SLC4A4: variants seen among roughly 807,000 people sequenced by gnomAD.
The protein encoded by SLC4A4 is solute carrier family 4 member 4, also known as electrogenic sodium bicarbonate cotransporter 1.
SLC4A4 carries 27 observed loss-of-function variants against 111.5 expected under a neutral mutation model. The observed-to-expected ratio is 0.24, with a 90% confidence interval of 0.18 to 0.33. The LOEUF is 0.33. Among genes scored for constraint, SLC4A4 ranks in the 10% least tolerant of loss-of-function variants. SLC4A4 has a pLI of 1.00. For synonymous variants in SLC4A4, 443 were observed against 463.4 expected (o/e 0.96, Z 0.57); for missense variants, 909 against 1,315.5 (o/e 0.69, Z 4.78).
chr4:71,164,163 C>T (rs1303525608), intron 2 of SLC4A4, among the ~76,000 whole-genome samples: 3 of 152,038 alleles, frequency 2.0e-5, no homozygotes, highest in Non-Finnish European at 4.4e-5. Flanking sequence ...GGCAGATTAC[C>T]TGAGGTCAGG....
intron 16 of SLC4A4, among the ~76,000 whole-genome samples, chr4:71,516,127 G>T (rs1398206867): frequency 2.0e-5 from 2 of 98,108 alleles, no homozygotes; most frequent in African/African-American, 8.1e-5. Context: ...ATGGAGTCTC[G>T]CTCTGTCACC....
chr4:71,167,645 A>C (rs574867124), intron 2 of SLC4A4, among the ~76,000 whole-genome samples: 2 of 152,338 alleles, frequency 1.3e-5, no homozygotes, highest in African/African-American at 4.8e-5. Context: ...ATTTATTAGA[A>C]TTGGATGTCT....
chr4:71,161,317 C>T (rs765640659), intron 2 of SLC4A4, among the ~76,000 whole-genome samples: 5 of 152,176 alleles, frequency 3.3e-5, no homozygotes, highest in Admixed American at 6.5e-5. Flanking sequence ...TAACTCTACA[C>T]GAACACTTAT....
At chr4:71,145,964 C>T (rs1418357740) in intron 2 of SLC4A4, among the ~76,000 whole-genome samples, 2 of 152,058 alleles carry the variant, frequency 1.3e-5, no homozygotes, top group Non-Finnish European at 2.9e-5. Flanking sequence ...CTGCTCTGAT[C>T]TTAGTTATTT....
chr4:71,300,388 C>T lies in SLC4A4; in HGVS notation c.254-38982C>T, dbSNP rs191508850. ...GCATTGACCACCAGTGAGCAGGACA[C>T]AACGAAGAGGCATGGGATGCTGCTG... On this transcript the variant is annotated intron_variant, in intron 3 of 25. Transcript: ENST00000264485. The T allele has an allele frequency of 1.7e-5, 4 of 232,270 alleles. No individual in the cohort carries two copies. In the East Asian group the frequency reaches 4.2e-4, roughly 24 times the overall value. 14.4% of individuals were successfully genotyped at this position (232,270 alleles called of 1,614,324 possible).
chr4:71,398,455 T>C (rs757481804), intron 7 of SLC4A4, among the ~76,000 whole-genome samples: 3 of 152,206 alleles, frequency 2.0e-5, no homozygotes, highest in Non-Finnish European at 2.9e-5. Flanking sequence ...ATCTGTTTGC[T>C]TTCTTTGGAA....
At position 71,567,976 on chromosome 4, in the gene SLC4A4, T is replaced by C; in HGVS notation, c.*225T>C. 1.1e-6 allele frequency: 1 copy of C among 875,586 alleles called. No homozygotes were observed. The highest frequency in any genetic ancestry group is 2.7e-5 in the East Asian group (1 of 36,746). 54.2% of individuals were successfully genotyped at this position (875,586 alleles called of 1,614,324 possible). Reference sequence around the variant, plus strand: ...CTGTTTGTTTATTTTTTAACTTTTATTTCGTCTCAGTTTTTGGTCACAGGC... The same window carrying C: ...CTGTTTGTTTATTTTTTAACTTTTACTTCGTCTCAGTTTTTGGTCACAGGC... On this transcript the variant is annotated 3_prime_UTR_variant, in exon 26 of 26. Coordinates refer to ENST00000264485, the MANE Select transcript of SLC4A4 (RefSeq NM_001098484.3).
chr4:71,403,330 A>AC (rs1720539913), intron 7 of SLC4A4, among the ~76,000 whole-genome samples: 2 of 152,238 alleles, frequency 1.3e-5, no homozygotes, highest in Non-Finnish European at 2.9e-5. Context: ...ATTCTGTGCT[A>AC]GAAAATGTTC....
chr4:71,458,743 A>T (rs1726528066), intron 12 of SLC4A4, among the ~76,000 whole-genome samples: 1 of 152,110 alleles, frequency 6.6e-6, no homozygotes, highest in Non-Finnish European at 1.5e-5. Flanking sequence ...AGATAGACAA[A>T]TCTTTACAAA....
intron 1 of SLC4A4, among the ~76,000 whole-genome samples, chr4:71,233,578 G>A (rs1276672398): frequency 6.6e-6 from 1 of 152,076 alleles, no homozygotes; most frequent in Non-Finnish European, 1.5e-5. Flanking sequence ...TCCAGTAATA[G>A]CTTCAGGTAC....
At position 71,225,350 on chromosome 4, in the gene SLC4A4, TA is replaced by T. The variant is rs74266859; in HGVS notation, c.-1-11212del. On this transcript the variant is annotated intron_variant, in intron 1 of 25. Coordinates refer to ENST00000264485, the MANE Select transcript of SLC4A4 (RefSeq NM_001098484.3). The stretch of plus-strand genomic sequence containing the variant: ...CTGGGTGACAGAACAAGACTCCGTT[TA>T]AAAAAAAAAAAAAGATAATGAAAGT... Among the ~76,000 whole-genome samples the T allele has an allele frequency of 5.5e-3, 796 of 143,788 alleles. 2 individuals are homozygous for T. Among genetic ancestry groups the T allele is most frequent in the African/African-American group, 6.9e-3 (274 of 39,536 alleles). 94.3% of individuals were successfully genotyped at this position (143,788 alleles called of 152,430 possible).
At chr4:71,210,407 T>TA (rs1275013998) in intron 1 of SLC4A4, among the ~76,000 whole-genome samples, 1 of 152,232 alleles carries the variant, frequency 6.6e-6, no homozygotes, top group East Asian at 1.9e-4. Context: ...AGAACCAAAG[T>TA]AACAGTTGCC....
At chr4:71,116,517 T>A (rs1743271167) in intron 2 of SLC4A4, among the ~76,000 whole-genome samples, 1 of 152,232 alleles carries the variant, frequency 6.6e-6, no homozygotes, top group South Asian at 2.1e-4. Flanking sequence ...TAAGCCACAC[T>A]AAATATTGCT....
chr4:71,342,000 G>A (rs979947709), intron 4 of SLC4A4, among the ~76,000 whole-genome samples: 2 of 152,044 alleles, frequency 1.3e-5, no homozygotes, highest in African/African-American at 4.8e-5. Context: ...CAATTTACTG[G>A]GTAATTCTCT....
rs764296409 is a variant in SLC4A4, at chr4:71,563,888, C to T, written c.3195C>T (p.Asp1065=). Residue 1065 remains aspartate (D), a splice_region_variant and synonymous_variant, in exon 24 of 26, where the codon GAC becomes GAT. Transcript: ENST00000264485. ...TCCTAAGCGATAGCAAACCTTCTGA[C>T]AGTGAGTAGAACTAACCTCTTGCAT... ...QPFLSDSKPS[D]RERSPTFLER... The T allele has an allele frequency of 2.2e-5, 35 of 1,592,252 alleles. No homozygotes were observed. The highest frequency in any genetic ancestry group is 3.3e-5 in the Admixed American group (2 of 59,746).
In SLC4A4 at chr4:71,113,823, A is replaced by T. The variant is rs72858476; in HGVS notation, c.-2+21031A>T. ...AATTAAATCTGTTAAACATTTCAAT[A>T]CATATTAAAAATGCATGCTCTATTA... On this transcript the variant is annotated intron_variant, in intron 2 of 26. Coordinates refer to the SLC4A4 transcript ENST00000649996. Among the ~76,000 whole-genome samples, 956 of 152,340 alleles carry T rather than the reference A, an allele frequency of 6.3e-3. 12 individuals carry two copies. The highest frequency in any genetic ancestry group is 0.022 in the African/African-American group (918 of 41,580).
At chr4:71,370,548 G>T (rs1731770639) in intron 6 of SLC4A4, among the ~76,000 whole-genome samples, 1 of 152,162 alleles carries the variant, frequency 6.6e-6, no homozygotes, top group South Asian at 2.1e-4. Context: ...CTGACTTTGG[G>T]CAAATTACTC....
chr4:71,302,832 C>T (rs377353565), intron 3 of SLC4A4, among the ~76,000 whole-genome samples: 1 of 152,120 alleles, frequency 6.6e-6, no homozygotes, highest in Non-Finnish European at 1.5e-5. Context: ...CATGTTAGGC[C>T]TAAATAGGGT....
intron 1 of SLC4A4, among the ~76,000 whole-genome samples, chr4:71,079,210 G>C (rs1477397051): frequency 6.6e-6 from 1 of 152,144 alleles, no homozygotes; most frequent in Non-Finnish European, 1.5e-5. Flanking sequence ...TGGCCAGGCT[G>C]TGATCATCAT....
Sources: gnomAD v4.1 joint callset for allele counts (sites outside exome capture counted in the v4.1 genomes callset) on GRCh38, gnomAD v4.1.1 for gene constraint, MANE v1.5 for transcripts, NCBI Gene and HGNC (gene_info 2026-07-23, HGNC 2026-07-21) for gene names.